The following GPHN variants were observed in gnomAD, a reference collection of about 807,000 sequenced individuals.
GPHN encodes gephyrin.
Under a neutral mutation model 95.5 loss-of-function variants are expected in GPHN, and 17 were observed. The ratio of observed to expected loss-of-function variants is 0.18; its 90% CI spans 0.12 to 0.27. The LOEUF is 0.27. GPHN is among the 10% of genes least tolerant of loss of function. GPHN has a pLI of 1.00. For synonymous variants in GPHN, 320 were observed against 322.5 expected, an observed-to-expected ratio of 0.99 and a Z score of 0.08; for missense variants, 660 against 978.1, an observed-to-expected ratio of 0.67 and a Z score of 4.34.
intron 10 of GPHN, among the ~76,000 whole-genome samples, chr14:67,044,902 T>A (rs904066046): frequency 6.6e-6 from 1 of 151,832 alleles, no homozygotes; most frequent in Non-Finnish European, 1.5e-5. Context: ...CTCTTTCTTT[T>A]TAAAATAAGC....
At chr14:67,555,109 G>C in the GPHN span, among the ~76,000 whole-genome samples, 1 of 152,118 alleles carries the variant, frequency 6.6e-6, no homozygotes, top group East Asian at 1.9e-4. Context: ...GTAGAGATGA[G>C]GTCTTGATAT....
chr14:66,853,730 C>T (rs1236146968), intron 4 of GPHN, among the ~76,000 whole-genome samples: 2 of 152,170 alleles, frequency 1.3e-5, no homozygotes, highest in African/African-American at 4.8e-5. Flanking sequence ...CACAGCCAAA[C>T]CATATCATAC....
the GPHN span, among the ~76,000 whole-genome samples, chr14:67,696,087 T>G: frequency 2.0e-5 from 3 of 151,898 alleles, no homozygotes; most frequent in Non-Finnish European, 4.4e-5. Flanking sequence ...CCACATAGAA[T>G]CTCAATGAAA....
At chr14:66,762,988 A>G (rs2153453848) in intron 2 of GPHN, among the ~76,000 whole-genome samples, 1 of 152,296 alleles carries the variant, frequency 6.6e-6, no homozygotes, top group Admixed American at 6.5e-5. Flanking sequence ...GTCATAGATT[A>G]TATGGTAATA....
rs201680376 is a variant in GPHN, at chr14:66,535,435, TG to T, written c.64+26845del. 8.1e-3 allele frequency among the ~76,000 whole-genome samples: 1,228 copies of T among 152,194 alleles called. 12 individuals carry two copies. The highest frequency in any genetic ancestry group is 0.031 in the South Asian group (152 of 4,826). On this transcript the variant is annotated intron_variant, in intron 1 of 22. Transcript: ENST00000478722. ...TTATTTCTTCTTCAACATTTTTTTTTGTGGTGGGTATACTCTATCCTTTGTG... is the reference window on the plus strand; with the variant it reads ...TTATTTCTTCTTCAACATTTTTTTTTTGGTGGGTATACTCTATCCTTTGTG...
chr14:67,556,614 G>A, the GPHN span, among the ~76,000 whole-genome samples: 2 of 152,196 alleles, frequency 1.3e-5, no homozygotes, highest in East Asian at 1.9e-4. Flanking sequence ...CCAGCGGGGT[G>A]TGACGGTATG....
chr14:67,636,440 G>GT, the GPHN span, among the ~76,000 whole-genome samples: 1 of 152,248 alleles, frequency 6.6e-6, no homozygotes, highest in Non-Finnish European at 1.5e-5. Flanking sequence ...GAATGAGCAC[G>GT]TATCTGTAGA....
chr14:66,907,490 G>A (rs1008453362), intron 5 of GPHN, among the ~76,000 whole-genome samples: 46 of 152,184 alleles, frequency 3.0e-4, no homozygotes, highest in Admixed American at 1.6e-3. Context: ...TTGATATGAA[G>A]TAGAAATACG....
chr14:67,002,246 C>A (rs995739945), intron 9 of GPHN, among the ~76,000 whole-genome samples: 8 of 141,374 alleles, frequency 5.7e-5, no homozygotes, highest in African/African-American at 2.1e-4. Context: ...CTCAGTACTT[C>A]TTGAAGTCAT....
At chr14:66,911,858 A>G (rs904384452) in intron 5 of GPHN, among the ~76,000 whole-genome samples, 2 of 152,004 alleles carry the variant, frequency 1.3e-5, no homozygotes, top group African/African-American at 2.4e-5. Flanking sequence ...ATCCCATTAT[A>G]TAGTCTGTGG....
chr14:67,478,513 G>A, the GPHN span, among the ~76,000 whole-genome samples: 1 of 152,128 alleles, frequency 6.6e-6, no homozygotes, highest in African/African-American at 2.4e-5. Context: ...GAAAGAGTGT[G>A]TAGAAAAAAC....
intron 1 of GPHN, among the ~76,000 whole-genome samples, chr14:66,522,762 A>AT (rs201178467): frequency 0.014 from 2,067 of 150,390 alleles, 22 homozygotes; most frequent in Middle Eastern, 0.02. Flanking sequence ...AAAATATATA[A>AT]TTTTTTTTTC....
At chr14:67,568,843 G>C in the GPHN span, among the ~76,000 whole-genome samples, 1 of 152,154 alleles carries the variant, frequency 6.6e-6, no homozygotes, top group Non-Finnish European at 1.5e-5. Flanking sequence ...CAAAGGTGAA[G>C]GGTGGAGGCA....
the GPHN span, chr14:67,650,978 G>A: frequency 3.3e-6 from 5 of 1,507,894 alleles, no homozygotes; most frequent in South Asian, 2.3e-5. Context: ...GAGGCATTGA[G>A]GGGATAGATG....
At chr14:67,285,717 T>G in the GPHN span, among the ~76,000 whole-genome samples, 19 of 152,240 alleles carry the variant, frequency 1.2e-4, no homozygotes, top group African/African-American at 4.6e-4. Context: ...ATCTTCCACA[T>G]GGTTACCCAG....
the GPHN span, among the ~76,000 whole-genome samples, chr14:67,298,652 G>T: frequency 6.6e-6 from 1 of 152,180 alleles, no homozygotes; most frequent in Non-Finnish European, 1.5e-5. Flanking sequence ...CATTTTTGGA[G>T]TAACTGACTT....
the GPHN span, among the ~76,000 whole-genome samples, chr14:67,304,240 G>A: frequency 0.029 from 4,419 of 152,196 alleles, 84 homozygotes; most frequent in Non-Finnish European, 0.036. Flanking sequence ...TACTCAGCTA[G>A]ATCTGTTAAA....
At chr14:67,123,778 C>T (rs2079138923) in intron 17 of GPHN, among the ~76,000 whole-genome samples, 1 of 152,148 alleles carries the variant, frequency 6.6e-6, no homozygotes, top group Non-Finnish European at 1.5e-5. Context: ...AATTCATAAA[C>T]TTTCTTAAAA....
chr14:67,491,129 T>C, the GPHN span, among the ~76,000 whole-genome samples: 1 of 152,190 alleles, frequency 6.6e-6, no homozygotes, highest in South Asian at 2.1e-4. Flanking sequence ...GACCGCCTCC[T>C]TGGGTTCTAT....
Sources: gnomAD v4.1 joint callset for allele counts (sites outside exome capture counted in the v4.1 genomes callset) on GRCh38, gnomAD v4.1.1 for gene constraint, MANE v1.5 for transcripts, NCBI Gene and HGNC (gene_info 2026-07-23, HGNC 2026-07-21) for gene names.